The following LRMDA variants were observed in gnomAD, a reference collection of about 807,000 sequenced individuals.
LRMDA encodes leucine rich melanocyte differentiation associated, also known as leucine-rich melanocyte differentiation-associated protein.
A neutral mutation model predicts 29.8 loss-of-function variants in LRMDA; 18 were observed. The ratio of observed to expected loss-of-function variants is 0.60; its 90% CI spans 0.42 to 0.90. The LOEUF (loss-of-function observed/expected upper bound fraction) is 0.90, where lower values mean the gene tolerates loss of function less well. LRMDA is among the 40% of genes least tolerant of loss of function. The probability of loss-of-function intolerance (pLI) is 0.00; values close to 1 mark genes in which losing one functional copy is unlikely to be tolerated. For synonymous variants in LRMDA, 125 were observed against 109.4 expected (o/e 1.14, Z -0.89); for missense variants, 273 against 273.9 (o/e 1.00, Z 0.02).
At chr10:75,977,675 C>T (rs1847098225) in intron 2 of LRMDA, among the ~76,000 whole-genome samples, 1 of 152,198 alleles carries the variant, frequency 6.6e-6, no homozygotes, top group South Asian at 2.1e-4. Context: ...GCTAAAGTCA[C>T]TTTAGCCTTT....
intron 6 of LRMDA, among the ~76,000 whole-genome samples, chr10:76,427,682 C>T (rs896493595): frequency 2.0e-5 from 3 of 151,890 alleles, no homozygotes; most frequent in African/African-American, 4.8e-5. Flanking sequence ...GTCTTGTGCC[C>T]GTTTTCAAAG....
chr10:76,146,123 T>A (rs1046829728), intron 5 of LRMDA, among the ~76,000 whole-genome samples: 1 of 152,034 alleles, frequency 6.6e-6, no homozygotes. Flanking sequence ...ATGTGGTCAA[T>A]TTTGGAGTAG....
At chr10:76,506,168 T>C (rs1842957765) in intron 6 of LRMDA, among the ~76,000 whole-genome samples, 1 of 152,174 alleles carries the variant, frequency 6.6e-6, no homozygotes, top group Non-Finnish European at 1.5e-5. Context: ...GCTTACCCAA[T>C]TTTTGGTCTT....
intron 2 of LRMDA, among the ~76,000 whole-genome samples, chr10:75,573,883 T>A (rs995447560): frequency 4.6e-5 from 7 of 152,206 alleles, no homozygotes; most frequent in African/African-American, 1.7e-4. Context: ...GTTTCATAGA[T>A]CTAATACCAG....
At chr10:75,443,026 T>C (rs1844347169) in intron 2 of LRMDA, among the ~76,000 whole-genome samples, 1 of 152,138 alleles carries the variant, frequency 6.6e-6, no homozygotes, top group African/African-American at 2.4e-5. Context: ...TGTTGGTGTA[T>C]AGGGATGCAG....
chr10:76,029,660 A>G (rs1338811759), intron 2 of LRMDA, among the ~76,000 whole-genome samples: 1 of 152,142 alleles, frequency 6.6e-6, no homozygotes, highest in African/African-American at 2.4e-5. Flanking sequence ...ATTCTCCATT[A>G]CTAATTCTTT....
chr10:76,095,884 G>T (rs1317944830), intron 5 of LRMDA, among the ~76,000 whole-genome samples: 2 of 151,738 alleles, frequency 1.3e-5, no homozygotes, highest in Non-Finnish European at 2.9e-5. Flanking sequence ...GGCGGAGCTT[G>T]CAGTGAGCCG....
chr10:76,220,757 C>A (rs1400039759), intron 5 of LRMDA, among the ~76,000 whole-genome samples: 1 of 152,136 alleles, frequency 6.6e-6, no homozygotes, highest in Non-Finnish European at 1.5e-5. Context: ...GGGAATCCTC[C>A]CTAACTCATT....
At chr10:76,130,383 T>C (rs934703487) in intron 5 of LRMDA, among the ~76,000 whole-genome samples, 1 of 152,232 alleles carries the variant, frequency 6.6e-6, no homozygotes, top group African/African-American at 2.4e-5. Flanking sequence ...TAAAATGTCT[T>C]AGAATTCTTT....
chr10:76,233,261 G>A (rs535172218), intron 5 of LRMDA, among the ~76,000 whole-genome samples: 1 of 152,354 alleles, frequency 6.6e-6, no homozygotes, highest in East Asian at 1.9e-4. Flanking sequence ...ATACAATACT[G>A]TAGTCTGTGA....
At chr10:75,821,657 T>G (rs1844160895) in intron 2 of LRMDA, among the ~76,000 whole-genome samples, 1 of 151,994 alleles carries the variant, frequency 6.6e-6, no homozygotes, top group Non-Finnish European at 1.5e-5. Context: ...TAGTCCCAGC[T>G]ACTCAGGAGG....
chr10:75,666,566 A>C (rs1344080229), intron 2 of LRMDA, among the ~76,000 whole-genome samples: 1 of 152,202 alleles, frequency 6.6e-6, no homozygotes, highest in African/African-American at 2.4e-5. Flanking sequence ...ACTAACTATG[A>C]ACTAAATAGT....
intron 6 of LRMDA, among the ~76,000 whole-genome samples, chr10:76,337,955 A>G (rs926561430): frequency 1.3e-5 from 2 of 152,102 alleles, no homozygotes; most frequent in African/African-American, 4.8e-5. Flanking sequence ...AAGTGCTGGA[A>G]CCATCTCAGC....
chr10:75,691,657 G>T (rs533023470), intron 2 of LRMDA, among the ~76,000 whole-genome samples: 5 of 152,202 alleles, frequency 3.3e-5, no homozygotes, highest in African/African-American at 1.2e-4. Flanking sequence ...GGGAAAGAGG[G>T]TCTGCTCTGA....
At chr10:76,406,403 T>C (rs143106804) in intron 6 of LRMDA, among the ~76,000 whole-genome samples, 28 of 152,332 alleles carry the variant, frequency 1.8e-4, no homozygotes, top group African/African-American at 6.5e-4. Context: ...TCTAAATACA[T>C]GGAACAGAGA....
chr10:75,958,206 T>A (rs1589266836), intron 2 of LRMDA, among the ~76,000 whole-genome samples: 1 of 152,136 alleles, frequency 6.6e-6, no homozygotes, highest in Non-Finnish European at 1.5e-5. Context: ...CTGCTTCAGG[T>A]ACATCCTGGT....
intron 2 of LRMDA, among the ~76,000 whole-genome samples, chr10:75,766,754 C>T (rs1237939761): frequency 3.3e-5 from 5 of 152,116 alleles, no homozygotes; most frequent in Non-Finnish European, 5.9e-5. Context: ...TTTTAAGCCC[C>T]GCATGCATTA....
intron 2 of LRMDA, among the ~76,000 whole-genome samples, chr10:75,896,213 C>G (rs10762684): frequency 0.39 from 59,489 of 151,968 alleles, 13,557 homozygotes; most frequent in South Asian, 0.5. Context: ...GTGGGTGCAA[C>G]ACAAACTCAA....
chr10:76,164,137 G>A (rs7894093), intron 5 of LRMDA, among the ~76,000 whole-genome samples: 60,949 of 151,674 alleles, frequency 0.4, 15,005 homozygotes, highest in East Asian at 0.77. Context: ...TTTTTTTTCC[G>A]ATGAGAAATC....
Sources: gnomAD v4.1 joint callset for allele counts (sites outside exome capture counted in the v4.1 genomes callset) on GRCh38, gnomAD v4.1.1 for gene constraint, MANE v1.5 for transcripts, NCBI Gene and HGNC (gene_info 2026-07-23, HGNC 2026-07-21) for gene names.